ELF1: variants seen among roughly 807,000 people sequenced by gnomAD.
ELF1 encodes ETS-related transcription factor Elf-1.
A neutral mutation model predicts 59.9 loss-of-function variants in ELF1; 24 were observed. That is an observed-to-expected ratio of 0.40 (90% CI 0.29 to 0.56). The LOEUF (loss-of-function observed/expected upper bound fraction) is 0.56, where lower values mean the gene tolerates loss of function less well. ELF1 is among the 20% of genes least tolerant of loss of function. The probability of loss-of-function intolerance (pLI) is 0.44; values close to 1 mark genes in which losing one functional copy is unlikely to be tolerated. For synonymous variants in ELF1, 248 were observed against 266.2 expected, an observed-to-expected ratio of 0.93 and a Z score of 0.67; for missense variants, 627 against 742.2, an observed-to-expected ratio of 0.84 and a Z score of 1.80.
chr13:40,968,080 T>C (rs1223396974), intron 2 of ELF1, among the ~76,000 whole-genome samples: 1 of 152,232 alleles, frequency 6.6e-6, no homozygotes, highest in Non-Finnish European at 1.5e-5. Context: ...CAAATGTTGA[T>C]ACATATGTGT....
At chr13:40,967,089 C>T (rs1392892510) in intron 2 of ELF1, among the ~76,000 whole-genome samples, 1 of 152,196 alleles carries the variant, frequency 6.6e-6, no homozygotes, top group Admixed American at 6.5e-5. Context: ...ATCCCTGTGC[C>T]CAGCCTTCAA....
At chr13:41,020,529 T>C (rs1875647158), upstream of ELF1, among the ~76,000 whole-genome samples, 1 of 152,232 alleles carries the variant, frequency 6.6e-6, no homozygotes, top group Non-Finnish European at 1.5e-5. Context: ...ACAGCAATGA[T>C]TGTGAACCAA....
In ELF1 at chr13:41,015,828, A is replaced by C. The variant is rs551566997; in HGVS notation, c.-229+3400T>G. Reference sequence around the variant, plus strand: ...GATGGCCAACTGAATTTGTCACGTAAGATGGCAAAAAAGAGTAGCCAAAGG... The same window carrying C: ...GATGGCCAACTGAATTTGTCACGTACGATGGCAAAAAAGAGTAGCCAAAGG... On this transcript the variant is annotated intron_variant, in intron 1 of 8. Transcript: ENST00000239882. 2.0e-5 allele frequency among the ~76,000 whole-genome samples: 3 copies of C among 152,326 alleles called. No homozygotes were observed. In the East Asian group the frequency reaches 5.8e-4, roughly 29 times the overall value.
chr13:40,982,745 T>C (rs1346819157), intron 1 of ELF1: 1 of 435,318 alleles, frequency 2.3e-6, no homozygotes, highest in African/African-American at 2.1e-5. Flanking sequence ...ATCAAATACA[T>C]TTAAAGTTTA....
At chr13:40,963,836 G>A (rs974761180) in intron 2 of ELF1, among the ~76,000 whole-genome samples, 1 of 152,102 alleles carries the variant, frequency 6.6e-6, no homozygotes, top group Non-Finnish European at 1.5e-5. Flanking sequence ...AACCCAGGAG[G>A]CAGAGGTTGC....
rs1242596090 is a variant in ELF1, at chr13:40,933,847, G to T, written c.1438C>A (p.Leu480Met). ...AIPSSQPMTV[L>M]KENVMLQSQK... ...GACTGCAGCATGACATTTTCTTTCA[G>T]TACTGTCATGGGCTGTGATGATGGA... The change falls in exon 9 of 9, where the codon CTG (leucine) becomes ATG (methionine). Residue 480 changes from leucine to methionine, a missense_variant. By Grantham distance (15) the Leu-to-Met change is conservative. Coordinates refer to ENST00000239882, the MANE Select transcript of ELF1 (RefSeq NM_172373.4). 1 of 1,614,234 alleles carries T rather than the reference G, an allele frequency of 6.2e-7. No individual in the cohort carries two copies. Among genetic ancestry groups the T allele is most frequent in the East Asian group, 2.2e-5 (1 of 44,888 alleles).
chr13:40,938,291 G>C (rs932139755), intron 8 of ELF1, among the ~76,000 whole-genome samples: 2 of 152,224 alleles, frequency 1.3e-5, no homozygotes, highest in South Asian at 4.1e-4. Flanking sequence ...AATCAAACTG[G>C]CTTCTTTTTG....
chr13:41,043,811 T>C (rs1019795454), intron 1 of ELF1, among the ~76,000 whole-genome samples: 1 of 152,214 alleles, frequency 6.6e-6, no homozygotes, highest in Non-Finnish European at 1.5e-5. Flanking sequence ...ATATGAACTT[T>C]AAAGTAGTTT....
chr13:41,029,507 G>A lies in ELF1; in HGVS notation c.-229+31331C>T, dbSNP rs191059660. On this transcript the variant is annotated intron_variant, in intron 1 of 1. Transcript: ENST00000405737. ...GGTGATCCTCTCACCTCAGCCTCCCGAGTAGCTGGGACTACAGGCATGCAC... is the reference window on the plus strand; with the variant it reads ...GGTGATCCTCTCACCTCAGCCTCCCAAGTAGCTGGGACTACAGGCATGCAC... 2.0e-3 allele frequency among the ~76,000 whole-genome samples: 297 copies of A among 151,992 alleles called. 1 individual carries two copies. The highest frequency in any genetic ancestry group is 6.9e-3 in the African/African-American group (284 of 41,448).
intron 1 of ELF1, among the ~76,000 whole-genome samples, chr13:40,985,749 G>A (rs1464951427): frequency 1.3e-5 from 2 of 152,020 alleles, no homozygotes; most frequent in African/African-American, 4.8e-5. Flanking sequence ...ACTCGGATTA[G>A]AAAAAAGGCT....
intron 3 of ELF1, among the ~76,000 whole-genome samples, chr13:40,958,493 A>C (rs1231298954): frequency 1.3e-5 from 2 of 152,034 alleles, no homozygotes; most frequent in Non-Finnish European, 2.9e-5. Context: ...CAGGAGTCCA[A>C]GTCTAGGCTG....
At chr13:40,987,158 G>A (rs536688236) in intron 1 of ELF1, among the ~76,000 whole-genome samples, 1 of 149,836 alleles carries the variant, frequency 6.7e-6, no homozygotes, top group East Asian at 2.0e-4. Flanking sequence ...GGATGGTCTC[G>A]ATCTCCTGAC....
At chr13:40,998,967 C>A (rs138381995) in intron 1 of ELF1, among the ~76,000 whole-genome samples, 3 of 151,988 alleles carry the variant, frequency 2.0e-5, no homozygotes, top group Admixed American at 2.0e-4. Flanking sequence ...TCAGCCCGGG[C>A]GACTGAGCAA....
At position 40,944,602 on chromosome 13, in the gene ELF1, T is replaced by C. The variant is rs77602936; in HGVS notation, c.530-677A>G. On this transcript the variant is annotated intron_variant, in intron 5 of 8. Coordinates refer to ENST00000239882, the MANE Select transcript of ELF1 (RefSeq NM_172373.4). ...TAAGTCCATCCCAATAGCCTCAGAGTGGGGTCGATAAACTATTCTAAAGCC... is the reference window on the plus strand; with the variant it reads ...TAAGTCCATCCCAATAGCCTCAGAGCGGGGTCGATAAACTATTCTAAAGCC... 2.7e-3 allele frequency among the ~76,000 whole-genome samples: 405 copies of C among 152,142 alleles called. 6 individuals are homozygous for C. In the East Asian group the frequency reaches 0.051, roughly 19 times the overall value.
At chr13:41,061,115 C>T (rs1403501396) in exon 1 of ELF1, 2 of 192,960 alleles carry the variant, frequency 1.0e-5, no homozygotes, top group South Asian at 8.0e-5. Context: ...TTTTTAACTC[C>T]GCCAGAGGAC....
At chr13:40,989,515 G>A (rs1478826356) in intron 1 of ELF1, among the ~76,000 whole-genome samples, 9 of 152,166 alleles carry the variant, frequency 5.9e-5, no homozygotes, top group Non-Finnish European at 1.5e-5. Context: ...AGGTATGCAA[G>A]ATAGCTACTT....
At chr13:40,951,148 T>C (rs1870820823) in intron 4 of ELF1, among the ~76,000 whole-genome samples, 181 bp downstream of exon 4, 1 of 152,212 alleles carries the variant, frequency 6.6e-6, no homozygotes, top group Non-Finnish European at 1.5e-5. Context: ...CATTCTCAAA[T>C]TAAAATGTCA....
intron 1 of ELF1, among the ~76,000 whole-genome samples, chr13:41,052,901 T>C (rs1219325153): frequency 3.3e-5 from 5 of 152,198 alleles, no homozygotes; most frequent in Non-Finnish European, 5.9e-5. Context: ...CACAGCACTG[T>C]TTGTAGAATG....
chr13:40,986,935 C>CT (rs1189146574), intron 1 of ELF1, among the ~76,000 whole-genome samples: 1 of 10,946 alleles, frequency 9.1e-5, no homozygotes, highest in Non-Finnish European at 2.1e-4. Flanking sequence ...AAAATCATTG[C>CT]TCTTTTTTTT....
Sources: gnomAD v4.1 joint callset for allele counts (sites outside exome capture counted in the v4.1 genomes callset) on GRCh38, gnomAD v4.1.1 for gene constraint, MANE v1.5 for transcripts, NCBI Gene and HGNC (gene_info 2026-07-23, HGNC 2026-07-21) for gene names.